Variants in ADCY8 observed in about 807,000 individuals in gnomAD.
The protein encoded by ADCY8 is adenylate cyclase 8.
Under a neutral mutation model 119.7 loss-of-function variants are expected in ADCY8, and 51 were observed. The observed-to-expected ratio is 0.43, with a 90% CI of 0.34 to 0.54. The LOEUF (loss-of-function observed/expected upper bound fraction) is 0.54. Among genes scored for constraint, ADCY8 ranks in the 20% least tolerant of loss-of-function variants. ADCY8 has a pLI of 0.03. For missense variants in ADCY8, 1,383 were observed against 1,598.8 expected (o/e 0.87, Z 2.30); for synonymous variants, 665 against 651.0 (o/e 1.02, Z -0.33).
At chr8:130,787,763 C>T (rs1464812050) in intron 15 of ADCY8, among the ~76,000 whole-genome samples, 2 of 150,966 alleles carry the variant, frequency 1.3e-5, no homozygotes, top group Non-Finnish European at 3.0e-5. Flanking sequence ...ATGCCTGTGT[C>T]CACATGTATG....
At chr8:130,917,288 C>T (rs1485530206) in intron 5 of ADCY8, among the ~76,000 whole-genome samples, 1 of 152,114 alleles carries the variant, frequency 6.6e-6, no homozygotes, top group Non-Finnish European at 1.5e-5. Context: ...AGCAGTGACC[C>T]AAACAGACAG....
intron 1 of ADCY8, among the ~76,000 whole-genome samples, chr8:131,014,867 C>T (rs1823420487): frequency 6.6e-6 from 1 of 152,160 alleles, no homozygotes; most frequent in Non-Finnish European, 1.5e-5. Flanking sequence ...TAATTTCTTT[C>T]TTTTTCTCAT....
chr8:131,009,190 C>T (rs1586652398), intron 1 of ADCY8, among the ~76,000 whole-genome samples: 1 of 152,188 alleles, frequency 6.6e-6, no homozygotes, highest in African/African-American at 2.4e-5. Context: ...GAGACCTTCA[C>T]AGCAGCCTCC....
chr8:130,789,258 T>G (rs943554675), intron 15 of ADCY8, among the ~76,000 whole-genome samples: 2 of 152,190 alleles, frequency 1.3e-5, no homozygotes, highest in Admixed American at 6.5e-5. Flanking sequence ...CCCTAAACTC[T>G]AATGGGCTGG....
At chr8:130,900,042 A>C (rs1819544081) in intron 7 of ADCY8, among the ~76,000 whole-genome samples, 1 of 152,174 alleles carries the variant, frequency 6.6e-6, no homozygotes, top group African/African-American at 2.4e-5. Context: ...TTTCACCTGG[A>C]AACTCAAGGC....
At chr8:130,828,168 C>T (rs1180813097) in intron 12 of ADCY8, among the ~76,000 whole-genome samples, 1 of 152,160 alleles carries the variant, frequency 6.6e-6, no homozygotes, top group Non-Finnish European at 1.5e-5. Flanking sequence ...ATTGTAGTTT[C>T]CTCCTTTCCT....
At chr8:130,942,553 G>A (rs955097459) in intron 4 of ADCY8, among the ~76,000 whole-genome samples, 4 of 152,190 alleles carry the variant, frequency 2.6e-5, no homozygotes, top group Non-Finnish European at 1.5e-5. Flanking sequence ...AAGTATTAAT[G>A]TATTTCCCAT....
At chr8:130,807,513 G>A (rs1441085517) in intron 14 of ADCY8, among the ~76,000 whole-genome samples, 2 of 152,276 alleles carry the variant, frequency 1.3e-5, no homozygotes, top group Non-Finnish European at 2.9e-5. Flanking sequence ...CTTGTTAAAG[G>A]GTATGAGGGA....
chr8:130,801,899 C>CTTTTTTTTTTT (rs34853195), intron 14 of ADCY8, among the ~76,000 whole-genome samples: 3 of 97,794 alleles, frequency 3.1e-5, no homozygotes, highest in African/African-American at 3.9e-5. Context: ...TTGAGAATGC[C>CTTTTTTTTTTT]TTTTTTTTTT....
intron 15 of ADCY8, 135 bp from the exon 16 acceptor site, chr8:130,785,610 C>A: frequency 1.8e-6 from 1 of 558,346 alleles, no homozygotes; most frequent in South Asian, 2.9e-5. Flanking sequence ...GCTTTTCTCT[C>A]TGAGAATCAT....
intron 15 of ADCY8, among the ~76,000 whole-genome samples, chr8:130,794,742 T>A (rs1240142241): frequency 6.6e-6 from 1 of 152,244 alleles, no homozygotes; most frequent in African/African-American, 2.4e-5. Context: ...TGCTATTCAG[T>A]CCATCACATC....
chr8:130,990,777 A>C, intron 1 of ADCY8: 1 of 389,536 alleles, frequency 2.6e-6, no homozygotes, highest in South Asian at 4.7e-5. Flanking sequence ...CCCCAGGTTT[A>C]GACTGGAGTC....
intron 11 of ADCY8, among the ~76,000 whole-genome samples, chr8:130,846,898 T>TCCTGCCTGCCTGCCTGCCTG (rs1563689890): frequency 5.0e-5 from 4 of 79,752 alleles, no homozygotes; most frequent in African/African-American, 1.4e-4. Flanking sequence ...TTTCCTTCCT[T>TCCTGCCTGCCTGCCTGCCTG]CCTTCCTTCC....
chr8:131,031,691 T>A (rs1586671002), intron 1 of ADCY8, among the ~76,000 whole-genome samples: 1 of 152,324 alleles, frequency 6.6e-6, no homozygotes, highest in African/African-American at 2.4e-5. Flanking sequence ...CCTTCTGCCA[T>A]CTTACATTGC....
At chr8:130,990,310 T>C (rs774767164) in intron 2 of ADCY8, 83 bp downstream of exon 2, 1 of 1,508,458 alleles carries the variant, frequency 6.6e-7, no homozygotes, top group Non-Finnish European at 9.0e-7. Context: ...AGTCAGGACG[T>C]GTTTGGGAGT....
At chr8:130,819,465 C>T (rs78208280) in intron 13 of ADCY8, among the ~76,000 whole-genome samples, 7,915 of 152,230 alleles carry the variant, frequency 0.052, 250 homozygotes, top group Middle Eastern at 0.1. Flanking sequence ...TTGAGGAAGG[C>T]ACTGACAGGG....
At chr8:130,843,568 A>G (rs1817209877) in intron 11 of ADCY8, among the ~76,000 whole-genome samples, 2 of 152,172 alleles carry the variant, frequency 1.3e-5, no homozygotes. Context: ...GTCTTTCAGG[A>G]TTATTGTCCT....
intron 2 of ADCY8, among the ~76,000 whole-genome samples, chr8:130,959,007 G>A (rs1176562622): frequency 6.6e-6 from 1 of 152,080 alleles, no homozygotes; most frequent in East Asian, 1.9e-4. Flanking sequence ...ATATATATTT[G>A]TTGTAGGATT....
intron 13 of ADCY8, among the ~76,000 whole-genome samples, chr8:130,820,251 T>C (rs921207887): frequency 6.6e-6 from 1 of 152,232 alleles, no homozygotes; most frequent in African/African-American, 2.4e-5. Context: ...CTCTGTGTTC[T>C]TGGGGTTTTG....
Sources: gnomAD v4.1 joint callset for allele counts (sites outside exome capture counted in the v4.1 genomes callset) on GRCh38, gnomAD v4.1.1 for gene constraint, MANE v1.5 for transcripts, NCBI Gene and HGNC (gene_info 2026-07-23, HGNC 2026-07-21) for gene names.